LRP1B: variants seen among roughly 807,000 people sequenced by gnomAD.
The protein encoded by LRP1B is low-density lipoprotein receptor-related protein 1B.
In LRP1B, 217 loss-of-function variants were observed where a neutral mutation model predicts 556.6. The ratio of observed to expected loss-of-function variants is 0.39; its 90% CI spans 0.35 to 0.44. The LOEUF (loss-of-function observed/expected upper bound fraction) is 0.44, where lower values mean the gene tolerates loss of function less well. Among genes scored for constraint, LRP1B ranks in the 20% least tolerant of loss-of-function variants. The pLI is 1.00. For missense variants in LRP1B, 5,053 were observed against 5,620.8 expected (o/e 0.90, Z 3.23); for synonymous variants, 2,047 against 1,865.8 (o/e 1.10, Z -2.50).
chr2:141,553,928 AAT>A (rs1157950446), intron 2 of LRP1B, among the ~76,000 whole-genome samples: 2 of 137,888 alleles, frequency 1.5e-5, no homozygotes, highest in Non-Finnish European at 3.1e-5. Flanking sequence ...TATCTATATT[AAT>A]ATAGTTATAT....
intron 1 of LRP1B, among the ~76,000 whole-genome samples, chr2:141,843,181 A>G (rs965846658): frequency 1.3e-5 from 2 of 152,088 alleles, no homozygotes; most frequent in African/African-American, 4.8e-5. Flanking sequence ...TATTTTGGCT[A>G]TATTTATAAA....
At chr2:140,565,474 T>C (rs1240286133) in intron 43 of LRP1B, among the ~76,000 whole-genome samples, 1 of 152,038 alleles carries the variant, frequency 6.6e-6, no homozygotes, top group East Asian at 1.9e-4. Context: ...GATCCCTCAT[T>C]ATATGGGAAG....
intron 1 of LRP1B, among the ~76,000 whole-genome samples, chr2:141,960,397 C>T (rs141681022): frequency 1.3e-5 from 2 of 152,012 alleles, no homozygotes; most frequent in East Asian, 1.9e-4. Context: ...CTATTTCCCA[C>T]ATACTCCATT....
intron 11 of LRP1B, among the ~76,000 whole-genome samples, chr2:141,045,309 T>C: frequency 6.8e-6 from 1 of 146,620 alleles, no homozygotes; most frequent in East Asian, 2.2e-4. Context: ...CTGGGAGATA[T>C]ACCTAATGCT....
intron 41 of LRP1B, among the ~76,000 whole-genome samples, chr2:140,678,441 C>A (rs1021446029): frequency 6.6e-6 from 1 of 152,120 alleles, no homozygotes; most frequent in Non-Finnish European, 1.5e-5. Flanking sequence ...ATCTGTGAGA[C>A]TTTCAAAATC....
intron 1 of LRP1B, among the ~76,000 whole-genome samples, chr2:142,112,893 G>A (rs887508352): frequency 6.6e-6 from 1 of 152,098 alleles, no homozygotes; most frequent in Non-Finnish European, 1.5e-5. Context: ...AAATTCCAGT[G>A]TAAAGTCATG....
intron 1 of LRP1B, among the ~76,000 whole-genome samples, chr2:141,822,128 CACAGAG>C (rs1271685214): frequency 1.0e-4 from 12 of 117,166 alleles, no homozygotes; most frequent in East Asian, 2.4e-4. Flanking sequence ...CACACACACA[CACAGAG>C]AGAGAGAGAG....
chr2:141,708,308 G>T (rs1372711601), intron 2 of LRP1B, among the ~76,000 whole-genome samples: 1 of 151,964 alleles, frequency 6.6e-6, no homozygotes, highest in African/African-American at 2.4e-5. Context: ...AGGGGTGATA[G>T]AACAACACAG....
chr2:140,290,709 C>G (rs982498365), intron 84 of LRP1B, among the ~76,000 whole-genome samples: 2 of 152,006 alleles, frequency 1.3e-5, no homozygotes, highest in Admixed American at 1.3e-4. Flanking sequence ...CTTAACAGCT[C>G]AAGATTAAAG....
intron 3 of LRP1B, among the ~76,000 whole-genome samples, chr2:141,441,672 G>A (rs1252260614): frequency 6.6e-6 from 1 of 152,106 alleles, no homozygotes; most frequent in Non-Finnish European, 1.5e-5. Flanking sequence ...ATTCTATACA[G>A]GAGCTGATGC....
chr2:141,870,033 A>C (rs1698532279), intron 1 of LRP1B, among the ~76,000 whole-genome samples: 1 of 152,028 alleles, frequency 6.6e-6, no homozygotes, highest in Non-Finnish European at 1.5e-5. Context: ...TCAAATGTTT[A>C]GAAAAGTGGC....
intron 2 of LRP1B, among the ~76,000 whole-genome samples, chr2:141,707,255 G>A (rs1407585986): frequency 6.6e-6 from 1 of 152,106 alleles, no homozygotes; most frequent in Non-Finnish European, 1.5e-5. Flanking sequence ...CACAGCAGCA[G>A]TGAGAGAGGC....
At chr2:140,495,484 G>T in intron 56 of LRP1B, 81 bp downstream of exon 56, 4 of 1,298,086 alleles carry the variant, frequency 3.1e-6, no homozygotes, top group South Asian at 1.6e-5. Flanking sequence ...AAGGAGGAGT[G>T]AATTCAATAA....
chr2:141,828,162 G>A (rs1229647751), intron 1 of LRP1B, among the ~76,000 whole-genome samples: 2 of 151,806 alleles, frequency 1.3e-5, no homozygotes, highest in African/African-American at 4.8e-5. Flanking sequence ...GTTTCTTAAG[G>A]ATATTTAATG....
intron 3 of LRP1B, among the ~76,000 whole-genome samples, chr2:141,447,363 C>T (rs531087528): frequency 6.6e-6 from 1 of 151,978 alleles, no homozygotes; most frequent in Admixed American, 6.6e-5. Flanking sequence ...AGAACATGCT[C>T]CTTTAGCTTG....
intron 5 of LRP1B, among the ~76,000 whole-genome samples, chr2:141,245,856 C>A (rs936822256): frequency 6.6e-6 from 1 of 152,206 alleles, no homozygotes. Context: ...ATTAGCAAGA[C>A]AAGTTTATTC....
intron 3 of LRP1B, among the ~76,000 whole-genome samples, chr2:141,390,368 C>T (rs564065340): frequency 2.0e-5 from 3 of 152,102 alleles, no homozygotes; most frequent in Non-Finnish European, 4.4e-5. Flanking sequence ...AATGTTTCAC[C>T]TGGAGTAAAA....
chr2:141,239,220 G>A (rs1297958080), intron 5 of LRP1B, among the ~76,000 whole-genome samples: 1 of 152,112 alleles, frequency 6.6e-6, no homozygotes. Flanking sequence ...AAGCCTTCAA[G>A]GAGACAGTTG....
At chr2:140,613,945 G>T (rs1416659758) in intron 41 of LRP1B, among the ~76,000 whole-genome samples, 1 of 151,980 alleles carries the variant, frequency 6.6e-6, no homozygotes, top group East Asian at 1.9e-4. Context: ...CTTTCTTAAG[G>T]ACCTGAAAGC....
Sources: allele counts gnomAD v4.1 joint callset (sites outside exome capture counted in the v4.1 genomes callset), GRCh38; gene constraint gnomAD v4.1.1; transcripts MANE v1.5; gene names NCBI Gene and HGNC (gene_info 2026-07-23, HGNC 2026-07-21).